The following LNPK variants were observed in gnomAD, a reference collection of about 807,000 sequenced individuals.
LNPK encodes lunapark, ER junction formation factor, also known as endoplasmic reticulum junction formation protein lunapark.
A neutral mutation model predicts 55.2 loss-of-function variants in LNPK; 29 were observed. The observed-to-expected ratio is 0.53, with a 90% CI of 0.39 to 0.72. The LOEUF is 0.72. LNPK is among the 30% of genes least tolerant of loss of function. LNPK has a pLI of 0.00. For synonymous variants in LNPK, 162 were observed against 168.2 expected, an observed-to-expected ratio of 0.96 and a Z score of 0.29; for missense variants, 467 against 494.8, an observed-to-expected ratio of 0.94 and a Z score of 0.53.
At chr2:175,985,794 T>C (rs914118894) in intron 4 of LNPK, among the ~76,000 whole-genome samples, 6 of 152,314 alleles carry the variant, frequency 3.9e-5, no homozygotes, top group African/African-American at 1.4e-4. Flanking sequence ...ATAACTATAC[T>C]GCAATAAAAG....
intron 8 of LNPK, among the ~76,000 whole-genome samples, chr2:175,961,080 A>G (rs1459037563): frequency 1.3e-5 from 2 of 152,190 alleles, no homozygotes; most frequent in African/African-American, 4.8e-5. Flanking sequence ...TACCAACCAA[A>G]AAAATTACAG....
At position 175,939,625 on chromosome 2, in the gene LNPK, G is replaced by T. The variant is rs753462116; in HGVS notation, c.739C>A (p.Pro247Thr). The change falls in exon 10 of 13, where the codon CCT becomes ACT. Residue 247 changes from proline to threonine, a missense_variant. Physicochemically the swap from Pro to Thr is conservative, Grantham distance 38. Coordinates refer to ENST00000272748, the MANE Select transcript of LNPK (RefSeq NM_030650.3). ...LHPPGPPLAR[P>T]ILPRERGALD... ...GCACCTCGTTCTCGGGGGAGAATAG[G>T]TCTTGCTAAAGGTGGACCTGGAGGA... 6.2e-7 allele frequency: 1 copy of T among 1,604,584 alleles called. No homozygotes were observed. Among genetic ancestry groups the T allele is most frequent in the South Asian group, 1.1e-5 (1 of 90,228 alleles).
At chr2:175,973,413 T>C (rs979270224) in intron 5 of LNPK, among the ~76,000 whole-genome samples, 2 of 152,200 alleles carry the variant, frequency 1.3e-5, no homozygotes, top group African/African-American at 2.4e-5. Context: ...CCTTTGGCCC[T>C]ACAAAATGAC....
chr2:175,936,022 G>T (rs1048783610), intron 12 of LNPK, among the ~76,000 whole-genome samples: 2 of 152,066 alleles, frequency 1.3e-5, no homozygotes, highest in Non-Finnish European at 2.9e-5. Flanking sequence ...GGCATCTTCA[G>T]TATGAAATCC....
At chr2:175,945,552 G>C (rs369723561) in intron 9 of LNPK, among the ~76,000 whole-genome samples, 3 of 149,306 alleles carry the variant, frequency 2.0e-5, no homozygotes, top group East Asian at 3.9e-4. Context: ...CTAAGTTACT[G>C]GTTTACTTGT....
intron 4 of LNPK, among the ~76,000 whole-genome samples, chr2:175,982,499 CT>C (rs769557078): frequency 5.9e-5 from 9 of 152,110 alleles, no homozygotes; most frequent in Non-Finnish European, 1.2e-4. Flanking sequence ...GTCTTCAAGA[CT>C]TCAAAAGGTA....
intron 8 of LNPK, among the ~76,000 whole-genome samples, chr2:175,957,314 C>T (rs1055586854): frequency 2.6e-5 from 4 of 151,892 alleles, no homozygotes; most frequent in East Asian, 1.9e-4. Context: ...GCCGAGATCA[C>T]GCCACTGCAC....
In LNPK at chr2:175,930,049, A is replaced by G. The variant is rs1432323598; in HGVS notation, c.1205T>C (p.Val402Ala). ...KQETENEEAS[V>A]IETNSTVPGA... is the part of the protein sequence containing the mutation. ...AGGAACTGTGGAGTTGGTTTCAATC[A>G]CTGAGGCTTCCTCATTCTCAGTCTC... Residue 402 changes from valine to alanine, a missense_variant, in exon 13 of 13, where the codon GTG becomes GCG. Transcript: ENST00000272748. The G allele has an allele frequency of 1.9e-6, 3 of 1,614,080 alleles. No homozygotes were observed. Among genetic ancestry groups the G allele is most frequent in the Non-Finnish European group, 2.5e-6 (3 of 1,179,968 alleles).
In LNPK at chr2:175,924,198, G is replaced by A. The variant is rs538009061; in HGVS notation, c.*5769C>T. 8 of 152,238 alleles carry A rather than the reference G, an allele frequency of 5.3e-5. No individual in the cohort carries two copies. The highest frequency in any genetic ancestry group is 1.3e-4 in the Admixed American group (2 of 15,278). 9.4% of individuals were successfully genotyped at this position (152,238 alleles called of 1,614,324 possible). ...GCTACAATTTTCACAATTAATTGAA[G>A]TTATACCAGATAGTAACTTAATACA... On this transcript the variant is annotated 3_prime_UTR_variant, in exon 13 of 13. Coordinates refer to ENST00000272748, the MANE Select transcript of LNPK (RefSeq NM_030650.3).
At chr2:175,938,450 T>C (rs1684657768) in intron 10 of LNPK, 67 bp from the exon 11 acceptor site, 1 of 766,290 alleles carries the variant, frequency 1.3e-6, no homozygotes, top group Non-Finnish European at 2.1e-6. Context: ...AGAGACTAAT[T>C]TAGCCATCAT....
chr2:175,934,282 T>C (rs1271548674), intron 12 of LNPK, among the ~76,000 whole-genome samples: 1 of 152,112 alleles, frequency 6.6e-6, no homozygotes, highest in Non-Finnish European at 1.5e-5. Context: ...ATAACAAAAA[T>C]ACTAAGAATT....
chr2:175,945,069 T>G (rs1685055510), intron 9 of LNPK, among the ~76,000 whole-genome samples: 2 of 151,864 alleles, frequency 1.3e-5, no homozygotes, highest in Non-Finnish European at 2.9e-5. Context: ...CGGCTAATTT[T>G]TGTATTTTTA....
intron 8 of LNPK, among the ~76,000 whole-genome samples, chr2:175,953,612 C>T (rs1161783152): frequency 6.6e-6 from 1 of 151,722 alleles, no homozygotes; most frequent in East Asian, 1.9e-4. Context: ...TATCAATCTA[C>T]TCCTGAATTA....
intron 12 of LNPK, among the ~76,000 whole-genome samples, chr2:175,936,401 C>T (rs1684547992): frequency 6.6e-6 from 1 of 152,096 alleles, no homozygotes; most frequent in South Asian, 2.1e-4. Context: ...GCAATTTTTA[C>T]AGTACTCAAT....
At chr2:175,964,231 G>T in intron 8 of LNPK, 141 bp downstream of exon 8, 1 of 606,804 alleles carries the variant, frequency 1.6e-6, no homozygotes, top group Non-Finnish European at 2.9e-6. Context: ...TCCACCCTAA[G>T]TCATATCCCA....
chr2:175,960,953 AAT>A (rs1685998565), intron 8 of LNPK, among the ~76,000 whole-genome samples: 1 of 152,196 alleles, frequency 6.6e-6, no homozygotes, highest in African/African-American at 2.4e-5. Flanking sequence ...TAAACTAGAA[AAT>A]CTAGAAGAAA....
intron 1 of LNPK, among the ~76,000 whole-genome samples, chr2:175,997,407 A>G (rs1687978849): frequency 6.6e-6 from 1 of 152,220 alleles, no homozygotes. Context: ...TTGAGATGCT[A>G]AAAATAACTA....
chr2:175,979,804 A>T lies in LNPK; in HGVS notation c.316+6T>A. The T allele has an allele frequency of 6.4e-7, 1 of 1,552,154 alleles. No homozygotes were observed. Among genetic ancestry groups the T allele is most frequent in the Non-Finnish European group, 8.7e-7 (1 of 1,146,672 alleles). On this transcript the variant is annotated splice_donor_region_variant and intron_variant, in intron 5 of 12. Transcript: ENST00000272748. The stretch of plus-strand genomic sequence containing the variant: ...AATATTTATTAAAAATTGGAATTAA[A>T]CTTACTATTTCTTTCTGTTCTCTTG...
chr2:175,935,455 GTTT>G (rs764288698), intron 12 of LNPK, among the ~76,000 whole-genome samples: 15 of 152,164 alleles, frequency 9.9e-5, no homozygotes, highest in Non-Finnish European at 2.2e-4. Context: ...ACTTCTAGTT[GTTT>G]ACTAAAGGAA....
Sources: allele counts gnomAD v4.1 joint callset (sites outside exome capture counted in the v4.1 genomes callset), GRCh38; gene constraint gnomAD v4.1.1; transcripts MANE v1.5; gene names NCBI Gene and HGNC (gene_info 2026-07-23, HGNC 2026-07-21).